Variants in CAPZA2 observed in about 807,000 individuals in gnomAD.
CAPZA2 encodes the protein capping actin protein of muscle Z-line subunit alpha 2.
Under a neutral mutation model 44.0 loss-of-function variants are expected in CAPZA2, and 13 were observed. The ratio of observed to expected loss-of-function variants is 0.30; its 90% CI spans 0.19 to 0.47. The LOEUF (loss-of-function observed/expected upper bound fraction) is 0.47, where lower values mean the gene tolerates loss of function less well. CAPZA2 is among the 20% of genes least tolerant of loss of function. The pLI is 1.00. For synonymous variants in CAPZA2, 94 were observed against 108.2 expected, an observed-to-expected ratio of 0.87 and a Z score of 0.81; for missense variants, 244 against 338.6, an observed-to-expected ratio of 0.72 and a Z score of 2.19.
Position 116,919,889 on chromosome 7 carries a change from T to C in CAPZA2, c.*2022T>C, listed in dbSNP as rs1010298037. On this transcript the variant is annotated 3_prime_UTR_variant, in exon 10 of 10. Transcript: ENST00000361183. ...CAAAAAATAATAATAATAATAATAA[T>C]AATATAATTTAGAACAGTCTGAAAT... 6.7e-6 allele frequency: 1 copy of C among 149,308 alleles called. No homozygotes were observed. The highest frequency in any genetic ancestry group is 2.5e-5 in the African/African-American group (1 of 40,552). 9.2% of individuals were successfully genotyped at this position (149,308 alleles called of 1,614,324 possible). A position where few individuals can be genotyped will look rare whatever the true frequency, so the allele number is the denominator to read the frequency against.
chr7:116,897,440 T>C (rs1299492509), intron 3 of CAPZA2, among the ~76,000 whole-genome samples: 1 of 152,162 alleles, frequency 6.6e-6, no homozygotes, highest in African/African-American at 2.4e-5. Flanking sequence ...TAATTCTACT[T>C]TGCTATTTTT....
intron 3 of CAPZA2, among the ~76,000 whole-genome samples, chr7:116,895,084 A>G (rs1796907433): frequency 6.6e-6 from 1 of 152,056 alleles, no homozygotes. Context: ...TTATAATAAT[A>G]TAAAACATGT....
intron 8 of CAPZA2, among the ~76,000 whole-genome samples, chr7:116,914,469 A>ACG (rs1020603340): frequency 6.8e-6 from 1 of 146,934 alleles, no homozygotes; most frequent in Non-Finnish European, 1.5e-5. Context: ...ACACACACAC[A>ACG]CGTATTTTTT....
At chr7:116,868,602 C>T (rs371639238) in intron 1 of CAPZA2, among the ~76,000 whole-genome samples, 34 of 152,076 alleles carry the variant, frequency 2.2e-4, no homozygotes, top group Non-Finnish European at 4.7e-4. Flanking sequence ...GGCGTGGTGT[C>T]GTGCACCTGT....
chr7:116,870,426 G>A (rs1796537776), intron 1 of CAPZA2, among the ~76,000 whole-genome samples: 1 of 152,190 alleles, frequency 6.6e-6, no homozygotes, highest in Non-Finnish European at 1.5e-5. Flanking sequence ...TCTATATTTG[G>A]TACTTTTACA....
chr7:116,912,449 C>T (rs553812718), intron 8 of CAPZA2, among the ~76,000 whole-genome samples: 1 of 152,080 alleles, frequency 6.6e-6, no homozygotes, highest in South Asian at 2.1e-4. Flanking sequence ...TTAAAAGAAA[C>T]ACTGTACCAT....
chr7:116,888,129 G>A lies in CAPZA2; in HGVS notation c.42G>A (p.Val14=), dbSNP rs144757327. The A allele has an allele frequency of 2.5e-6, 4 of 1,607,772 alleles. No individual in the cohort carries two copies. In the African/African-American group the frequency reaches 5.3e-5, roughly 21 times the overall value. Residue 14 remains valine (V), a splice_region_variant and synonymous_variant, in exon 2 of 10, where the codon GTG becomes GTA. Coordinates refer to ENST00000361183, the MANE Select transcript of CAPZA2 (RefSeq NM_006136.3). ...LEEQLSDEEK[V]RIAAKFIIHA... ...TTATATCTTTCTTTCTGTTTCAGGT[G>A]CGTATAGCAGCAAAATTCATCATTC...
At position 116,864,034 on chromosome 7, in the gene CAPZA2, C is replaced by T. The variant is rs577574381; in HGVS notation, c.39+1384C>T. On this transcript the variant is annotated intron_variant, in intron 1 of 9. Transcript: ENST00000361183. ...GAGCAACGTCTCCATAGCCCACAGA[C>T]CCAGTAGGCAGATCCCCGTATCCAC... 1.1e-4 allele frequency among the ~76,000 whole-genome samples: 17 copies of T among 152,240 alleles called. 1 individual carries two copies. The highest frequency in any genetic ancestry group is 1.0e-3 in the South Asian group (5 of 4,822).
At chr7:116,902,880 T>A (rs1438458344) in intron 4 of CAPZA2, among the ~76,000 whole-genome samples, 1 of 152,146 alleles carries the variant, frequency 6.6e-6, no homozygotes, top group Admixed American at 6.5e-5. Flanking sequence ...TGACTAATTT[T>A]AAAAAATTTT....
chr7:116,876,479 A>G (rs1796624476), intron 1 of CAPZA2: 1 of 152,182 alleles, frequency 6.6e-6, no homozygotes, highest in Non-Finnish European at 1.5e-5. Context: ...TTGTAAATTT[A>G]TGTCTGAGAT....
At chr7:116,869,032 G>A (rs1796516620) in intron 1 of CAPZA2, among the ~76,000 whole-genome samples, 1 of 152,172 alleles carries the variant, frequency 6.6e-6, no homozygotes, top group Non-Finnish European at 1.5e-5. Flanking sequence ...ATACAGATAT[G>A]AAAACACTTA....
At chr7:116,912,265 A>G in intron 8 of CAPZA2, 125 bp downstream of exon 8, 1 of 1,414,300 alleles carries the variant, frequency 7.1e-7, no homozygotes, top group Non-Finnish European at 9.4e-7. Context: ...GATTAAAGAT[A>G]AGTAATTGCA....
At chr7:116,903,682 T>C (rs1348942288) in intron 4 of CAPZA2, among the ~76,000 whole-genome samples, 1 of 152,186 alleles carries the variant, frequency 6.6e-6, no homozygotes. Flanking sequence ...GTCAATGTAG[T>C]TTTTAAGAAG....
chr7:116,870,681 G>C (rs1796544235), intron 1 of CAPZA2, among the ~76,000 whole-genome samples: 1 of 152,192 alleles, frequency 6.6e-6, no homozygotes, highest in Non-Finnish European at 1.5e-5. Context: ...AGATAGATTA[G>C]AGCTGGTAAG....
intron 1 of CAPZA2, among the ~76,000 whole-genome samples, chr7:116,864,074 A>C (rs1158437236): frequency 1.3e-5 from 2 of 152,200 alleles, no homozygotes; most frequent in Admixed American, 6.6e-5. Context: ...GTTGCTGTAC[A>C]GTATTCAATG....
At chr7:116,901,618 T>TTACCTATAA (rs1234526400) in intron 4 of CAPZA2, among the ~76,000 whole-genome samples, 1 of 152,052 alleles carries the variant, frequency 6.6e-6, no homozygotes, top group African/African-American at 2.4e-5. Context: ...TGACACAAGT[T>TTACCTATAA]TACCTATATA....
intron 1 of CAPZA2, among the ~76,000 whole-genome samples, chr7:116,864,906 G>T (rs768316283): frequency 6.6e-6 from 1 of 152,086 alleles, no homozygotes; most frequent in African/African-American, 2.4e-5. Context: ...ATACTTTTAA[G>T]TTTTTGAAAT....
rs138967006 is a variant in CAPZA2, at chr7:116,921,540, G to T, written c.*3673G>T. ...TGTATTAAAAATACAAATATTAGCC[G>T]GGCATGGTGGCACATGCCTGTAGTC... On this transcript the variant is annotated 3_prime_UTR_variant, in exon 10 of 10. Transcript: ENST00000361183. The T allele has an allele frequency of 6.6e-6, 1 of 151,662 alleles. No homozygotes were observed. Among genetic ancestry groups the T allele is most frequent in the Non-Finnish European group, 1.5e-5 (1 of 67,972 alleles). The allele number at this position is 151,662 out of a possible 1,614,324, so 9.4% of individuals were successfully genotyped here.
At chr7:116,901,830 AT>A (rs1796997547) in intron 4 of CAPZA2, among the ~76,000 whole-genome samples, 1 of 151,394 alleles carries the variant, frequency 6.6e-6, no homozygotes, top group Non-Finnish European at 1.5e-5. Flanking sequence ...ATTGGTCAAT[AT>A]TTTCATAAAG....
Sources: allele counts gnomAD v4.1 joint callset (sites outside exome capture counted in the v4.1 genomes callset), GRCh38; gene constraint gnomAD v4.1.1; transcripts MANE v1.5; gene names NCBI Gene and HGNC (gene_info 2026-07-23, HGNC 2026-07-21).